The following BRINP1 variants were observed in gnomAD, a reference collection of about 807,000 sequenced individuals.
BRINP1 encodes the protein BMP/retinoic acid inducible neural specific 1.
In BRINP1, 17 loss-of-function variants were observed where a neutral mutation model predicts 72.9. That is an observed-to-expected ratio of 0.23 (90% CI 0.16 to 0.35). BRINP1 has a LOEUF of 0.35. Ranked by LOEUF, BRINP1 falls within the 10% of genes least tolerant of loss-of-function variation. The pLI is 1.00. For synonymous variants in BRINP1, 418 were observed against 378.5 expected (o/e 1.10, Z -1.21); for missense variants, 850 against 1,001.6 (o/e 0.85, Z 2.04).
At chr9:119,353,314 T>G (rs1009086467) in intron 1 of BRINP1, among the ~76,000 whole-genome samples, 1 of 152,196 alleles carries the variant, frequency 6.6e-6, no homozygotes, top group East Asian at 1.9e-4. Flanking sequence ...TCCCTCCTTT[T>G]CCTCTTTATC....
intron 2 of BRINP1, among the ~76,000 whole-genome samples, chr9:119,255,958 A>G (rs1367452067): frequency 1.9e-5 from 1 of 53,876 alleles, no homozygotes; most frequent in Non-Finnish European, 3.9e-5. Flanking sequence ...CCAGCTCAAA[A>G]AAAAAAAAAA....
intron 5 of BRINP1, among the ~76,000 whole-genome samples, chr9:119,219,428 CT>C (rs759511618): frequency 3.3e-5 from 5 of 152,050 alleles, no homozygotes; most frequent in African/African-American, 4.8e-5. Flanking sequence ...CATTTTTCTT[CT>C]ATTAATTTTC....
chr9:119,255,863 G>A (rs1462497784), intron 2 of BRINP1, among the ~76,000 whole-genome samples: 4 of 147,104 alleles, frequency 2.7e-5, no homozygotes, highest in Admixed American at 2.1e-4. Flanking sequence ...ACTGAGGCAG[G>A]AGAATCTCTT....
At chr9:119,174,022 A>T (rs1829450839) in intron 7 of BRINP1, among the ~76,000 whole-genome samples, 1 of 115,596 alleles carries the variant, frequency 8.7e-6, no homozygotes, top group South Asian at 2.5e-4. Flanking sequence ...TTAGACAGAA[A>T]ACCTAGGCAT....
chr9:119,273,359 G>T (rs533701187), intron 2 of BRINP1, among the ~76,000 whole-genome samples: 1 of 152,202 alleles, frequency 6.6e-6, no homozygotes, highest in South Asian at 2.1e-4. Flanking sequence ...TGAACCCTGG[G>T]TGATTCTCAG....
chr9:119,334,842 G>A (rs2119015616), intron 1 of BRINP1, among the ~76,000 whole-genome samples: 1 of 152,262 alleles, frequency 6.6e-6, no homozygotes. Flanking sequence ...CCTTGGATGA[G>A]GGGACATTGT....
chr9:119,221,827 TTGC>T (rs1830044014), intron 5 of BRINP1, among the ~76,000 whole-genome samples: 1 of 151,888 alleles, frequency 6.6e-6, no homozygotes, highest in Admixed American at 6.6e-5. Context: ...ATGAAGCAGG[TTGC>T]TTTGGTAGCA....
chr9:119,293,240 G>A (rs958933426), intron 2 of BRINP1, among the ~76,000 whole-genome samples: 1 of 151,644 alleles, frequency 6.6e-6, no homozygotes, highest in Non-Finnish European at 1.5e-5. Context: ...CTAAGATTAT[G>A]TTCTGCTCCA....
At chr9:119,333,829 T>C (rs1831324177) in intron 1 of BRINP1, among the ~76,000 whole-genome samples, 5 of 152,172 alleles carry the variant, frequency 3.3e-5, no homozygotes, top group Admixed American at 2.0e-4. Flanking sequence ...AAAATATATA[T>C]TGCATCTTTT....
In BRINP1 at chr9:119,368,992, T is replaced by C; in HGVS notation, c.-51+64A>G. ...CAGAGGAGCGCGGGGACGCCCCGAA[T>C]GCGGCCCGGGGCCGGGTCCAAGGGC... On this transcript the variant is annotated intron_variant, in intron 1 of 7. Coordinates refer to ENST00000265922, the MANE Select transcript of BRINP1 (RefSeq NM_014618.3). The surrounding 1 kb of genome is among the most constrained non-coding windows in gnomAD (Gnocchi z 4.7). The C allele has an allele frequency of 2.5e-6, 1 of 392,544 alleles. No individual in the cohort carries two copies. Among genetic ancestry groups the C allele is most frequent in the Non-Finnish European group, 4.5e-6 (1 of 222,630 alleles). The allele number at this position is 392,544 out of a possible 1,614,324, so 24.3% of individuals were successfully genotyped here.
At chr9:119,235,410 A>G (rs554155207) in intron 5 of BRINP1, among the ~76,000 whole-genome samples, 2 of 152,094 alleles carry the variant, frequency 1.3e-5, no homozygotes, top group African/African-American at 4.8e-5. Flanking sequence ...CTCTCTATCC[A>G]TGCCTCTGTC....
intron 7 of BRINP1, among the ~76,000 whole-genome samples, chr9:119,199,755 T>C (rs189426367): frequency 6.6e-6 from 1 of 152,224 alleles, no homozygotes; most frequent in Non-Finnish European, 1.5e-5. Context: ...CTAGGAATTT[T>C]ATCTCATTTC....
At chr9:119,275,875 A>T (rs139281923) in intron 2 of BRINP1, among the ~76,000 whole-genome samples, 78 of 152,150 alleles carry the variant, frequency 5.1e-4, no homozygotes, top group South Asian at 2.3e-3. Context: ...CTTAAAAGAG[A>T]ACCCCCAAAT....
At chr9:119,345,622 A>C (rs1158415556) in intron 1 of BRINP1, among the ~76,000 whole-genome samples, 1 of 152,144 alleles carries the variant, frequency 6.6e-6, no homozygotes, top group East Asian at 1.9e-4. Flanking sequence ...GCCATCTCTA[A>C]AGTTGTACCA....
intron 2 of BRINP1, among the ~76,000 whole-genome samples, chr9:119,267,541 C>A (rs992885105): frequency 1.3e-5 from 2 of 151,932 alleles, no homozygotes; most frequent in African/African-American, 4.8e-5. Flanking sequence ...AAGGCTGAGG[C>A]AGGAGAATCG....
At chr9:119,214,249 G>A in intron 5 of BRINP1, 94 bp from the exon 6 acceptor site, 1 of 894,482 alleles carries the variant, frequency 1.1e-6, no homozygotes, top group South Asian at 1.6e-5. Flanking sequence ...ATCTGAAGCT[G>A]CTACATTTCT....
At chr9:119,224,253 A>G (rs1293768668) in intron 5 of BRINP1, among the ~76,000 whole-genome samples, 1 of 152,112 alleles carries the variant, frequency 6.6e-6, no homozygotes, top group Non-Finnish European at 1.5e-5. Context: ...GGAACAAAAA[A>G]GAAGACCTCT....
At chr9:119,182,312 A>G (rs1319488093) in intron 7 of BRINP1, among the ~76,000 whole-genome samples, 1 of 152,228 alleles carries the variant, frequency 6.6e-6, no homozygotes, top group Non-Finnish European at 1.5e-5. Flanking sequence ...ATAATTGATT[A>G]ACAGGACTAT....
At chr9:119,322,598 A>C (rs922822224) in intron 1 of BRINP1, among the ~76,000 whole-genome samples, 7 of 152,156 alleles carry the variant, frequency 4.6e-5, no homozygotes, top group Non-Finnish European at 1.0e-4. Flanking sequence ...CAGAGGTAGA[A>C]GGGAATGCCT....
Sources: gnomAD v4.1 joint callset for allele counts (sites outside exome capture counted in the v4.1 genomes callset) on GRCh38, gnomAD v4.1.1 for gene constraint, Gnocchi (gnomAD v3.1) non-coding constraint, MANE v1.5 for transcripts, NCBI Gene and HGNC (gene_info 2026-07-23, HGNC 2026-07-21) for gene names.